Variants in PSMF1 observed in about 807,000 individuals in gnomAD.
PSMF1 encodes the protein proteasome inhibitor PI31 subunit.
Under a neutral mutation model 29.3 loss-of-function variants are expected in PSMF1, and 30 were observed. The ratio of observed to expected loss-of-function variants is 1.02; its 90% CI spans 0.77 to 1.39. The LOEUF (loss-of-function observed/expected upper bound fraction) is 1.39, where lower values mean the gene tolerates loss of function less well. Among genes scored for constraint, PSMF1 ranks in the 40% most tolerant of loss-of-function variants. PSMF1 has a pLI of 0.00. For synonymous variants in PSMF1, 134 were observed against 139.7 expected (o/e 0.96, Z 0.29); for missense variants, 344 against 357.5 (o/e 0.96, Z 0.31).
At chr20:1,140,566 A>G (rs1696964156) in intron 4 of PSMF1, among the ~76,000 whole-genome samples, 1 of 152,170 alleles carries the variant, frequency 6.6e-6, no homozygotes, top group Non-Finnish European at 1.5e-5. Flanking sequence ...AATACCTGGG[A>G]GGTTAAAAGC....
intron 1 of PSMF1, among the ~76,000 whole-genome samples, chr20:1,120,481 TAG>T (rs201581247): frequency 1.2e-3 from 178 of 152,304 alleles, no homozygotes; most frequent in African/African-American, 3.9e-3. Context: ...TGGGACCAGG[TAG>T]AGACAGCACC....
At chr20:1,157,609 CAT>C (rs748283845) in intron 4 of PSMF1, among the ~76,000 whole-genome samples, 9 of 152,138 alleles carry the variant, frequency 5.9e-5, no homozygotes, top group African/African-American at 1.4e-4. Flanking sequence ...CATGCACAAA[CAT>C]GTTTTTAACA....
chr20:1,158,883 A>G (rs577616512), intron 4 of PSMF1, among the ~76,000 whole-genome samples: 5 of 151,292 alleles, frequency 3.3e-5, no homozygotes, highest in South Asian at 2.1e-4. Context: ...CCTCTGTACT[A>G]TTTACTCTGA....
Position 1,135,120 on chromosome 20 carries a change from G to A in PSMF1, c.366-1G>A. 2 of 1,614,190 alleles carry A rather than the reference G, an allele frequency of 1.2e-6. No homozygotes were observed. Among genetic ancestry groups the A allele is most frequent in the South Asian group, 1.1e-5 (1 of 91,088 alleles). Reference sequence around the variant, plus strand: ...GTTGACTCTTCATCTGCTTCCTGCAGGACCTACAAGAACAGTGAGGAGCTT... The same window carrying A: ...GTTGACTCTTCATCTGCTTCCTGCAAGACCTACAAGAACAGTGAGGAGCTT... On this transcript the variant is annotated splice_acceptor_variant, in intron 3 of 6. Coordinates refer to ENST00000335877, the MANE Select transcript of PSMF1 (RefSeq NM_006814.5). LOFTEE classifies it high-confidence loss of function.
chr20:1,124,648 TCAA>T (rs1416314222), intron 1 of PSMF1, among the ~76,000 whole-genome samples: 3 of 152,240 alleles, frequency 2.0e-5, no homozygotes, highest in African/African-American at 7.2e-5. Flanking sequence ...CAAATCACCA[TCAA>T]CAAGTAGATG....
upstream of PSMF1, among the ~76,000 whole-genome samples, chr20:1,114,275 G>C (rs1285258929): frequency 6.6e-6 from 1 of 152,088 alleles, no homozygotes; most frequent in Non-Finnish European, 1.5e-5. Flanking sequence ...AGAGGTAACT[G>C]GCTTCATCAC....
intron 4 of PSMF1, chr20:1,161,045 G>T: frequency 2.4e-6 from 1 of 415,734 alleles, no homozygotes; most frequent in Admixed American, 3.2e-5. Context: ...GGATTCTGGA[G>T]ACGGAGTCAC....
At chr20:1,131,165 T>G (rs1013167059) in intron 3 of PSMF1, among the ~76,000 whole-genome samples, 1 of 152,258 alleles carries the variant, frequency 6.6e-6, no homozygotes, top group African/African-American at 2.4e-5. Context: ...GTCTCTTGAC[T>G]TCTTCACTCT....
chr20:1,126,888 C>T (rs1209417831), intron 2 of PSMF1, among the ~76,000 whole-genome samples: 1 of 152,046 alleles, frequency 6.6e-6, no homozygotes, highest in African/African-American at 2.4e-5. Flanking sequence ...CAAAACAAAA[C>T]AAAACAAAAA....
chr20:1,163,055 T>C lies in PSMF1; in HGVS notation c.552-75T>C. The C allele has an allele frequency of 6.6e-7, 1 of 1,517,944 alleles. No individual in the cohort carries two copies. Among genetic ancestry groups the C allele is most frequent in the East Asian group, 2.3e-5 (1 of 44,102 alleles). 94.0% of individuals were successfully genotyped at this position (1,517,944 alleles called of 1,614,324 possible). On this transcript the variant is annotated intron_variant, in intron 4 of 6. Coordinates refer to ENST00000335877, the MANE Select transcript of PSMF1 (RefSeq NM_006814.5). The surrounding 1 kb of genome is among the most constrained non-coding windows in gnomAD (Gnocchi z 6.1). The stretch of plus-strand genomic sequence containing the variant: ...TGCAAGGGTTTCCCATGCCTGTGAG[T>C]GTGTTTGTGATCCCACATGTATCAG...
rs766310325 is a variant in PSMF1 at position 1,160,795 on chromosome 20, TC to T, written c.552-2334del. ...GGCATCCTGACGATGAAGTACCCCA[TC>T]GAGCACAGGATTTTCACCAGCTGGG... On this transcript the variant is annotated intron_variant, in intron 4 of 6. Coordinates refer to ENST00000335877, the MANE Select transcript of PSMF1 (RefSeq NM_006814.5). The T allele has an allele frequency of 4.6e-5, 20 of 432,164 alleles. No individual in the cohort carries two copies. The East Asian group carries it at 1.0e-3, about 22-fold the overall frequency. The allele number at this position is 432,164 out of a possible 1,614,324, so 26.8% of individuals were successfully genotyped here.
At chr20:1,139,612 G>A (rs1218176092) in intron 4 of PSMF1, among the ~76,000 whole-genome samples, 1 of 152,054 alleles carries the variant, frequency 6.6e-6, no homozygotes, top group Non-Finnish European at 1.5e-5. Context: ...GGGTGTGGTG[G>A]CAGGTGCTTG....
rs1398121301 is a variant in PSMF1, at chr20:1,165,283, A to G, written c.*203A>G. On this transcript the variant is annotated 3_prime_UTR_variant, in exon 7 of 7. Coordinates refer to ENST00000335877, the MANE Select transcript of PSMF1 (RefSeq NM_006814.5). ...TCCACCTAGCTGCAGATAGCTCCCA[A>G]AGAGAAATCAGTGTGTCTCTTTCAC... The G allele has an allele frequency of 1.6e-5, 22 of 1,415,506 alleles. No homozygotes were observed. Among genetic ancestry groups the G allele is most frequent in the Non-Finnish European group, 1.9e-5 (21 of 1,088,192 alleles). The allele number at this position is 1,415,506 out of a possible 1,614,324, so 87.7% of individuals were successfully genotyped here.
rs748992934 is a variant in PSMF1, at chr20:1,149,769, C to T, written c.552-13361C>T. Among the ~76,000 whole-genome samples the T allele has an allele frequency of 6.0e-4, 92 of 152,328 alleles. No homozygotes were observed. In the Middle Eastern group the frequency reaches 0.017, roughly 28 times the overall value. ...CTTTATGCAAGGCCAGGTGTGGTGG[C>T]CCACACCTGTAATCCCAGCACTTCA... On this transcript the variant is annotated intron_variant, in intron 4 of 6. Coordinates refer to ENST00000335877, the MANE Select transcript of PSMF1 (RefSeq NM_006814.5).
In PSMF1 at chr20:1,167,250, G is replaced by C. The variant is rs1178273069; in HGVS notation, c.*2170G>C. On this transcript the variant is annotated 3_prime_UTR_variant, in exon 7 of 7. Transcript: ENST00000335877. ...TGAGTAATCATCAAGGAGCAAGTTG[G>C]AGTGTTTCAGGTGTATATTTTGTAG... 6.6e-6 allele frequency: 1 copy of C among 152,148 alleles called. No homozygotes were observed. The highest frequency in any genetic ancestry group is 1.5e-5 in the Non-Finnish European group (1 of 68,036). 9.4% of individuals were successfully genotyped at this position (152,148 alleles called of 1,614,324 possible). A position where few individuals can be genotyped will look rare whatever the true frequency, so the allele number is the denominator to read the frequency against.
rs1342685328 is a variant in PSMF1, at chr20:1,167,694, A to G, written c.*2614A>G. ...GCTGTAGCATGTATCCATGGTATGG[A>G]TATATCACATTTTGCTTATCCTTTT... is the stretch of plus-strand genomic sequence containing the variant. On this transcript the variant is annotated 3_prime_UTR_variant, in exon 7 of 7. Transcript: ENST00000335877. 6.6e-6 allele frequency: 1 copy of G among 151,874 alleles called. No individual in the cohort carries two copies. The highest frequency in any genetic ancestry group is 6.6e-5 in the Admixed American group (1 of 15,236). The allele number at this position is 151,874 out of a possible 1,614,324, so 9.4% of individuals were successfully genotyped here. A position where few individuals can be genotyped will look rare whatever the true frequency, so the allele number is the denominator to read the frequency against.
intron 4 of PSMF1, among the ~76,000 whole-genome samples, chr20:1,148,445 AGTT>A (rs1311405162): frequency 6.6e-6 from 1 of 152,224 alleles, no homozygotes; most frequent in Non-Finnish European, 1.5e-5. Flanking sequence ...TGTAAAAAAC[AGTT>A]TTTTCTATGC....
rs753958387 is a variant in PSMF1, at chr20:1,166,260, C to A, written c.*1180C>A. 1 of 1,612,246 alleles carries A rather than the reference C, an allele frequency of 6.2e-7. No homozygotes were observed. The highest frequency in any genetic ancestry group is 1.1e-5 in the South Asian group (1 of 90,872). ...CTGACAGACGCGGGCAGTGATGAGCCCTGTTCTGGAGTGGAAAGAGCACGA... is the reference window on the plus strand; with the variant it reads ...CTGACAGACGCGGGCAGTGATGAGCACTGTTCTGGAGTGGAAAGAGCACGA... On this transcript the variant is annotated 3_prime_UTR_variant, in exon 7 of 7. Transcript: ENST00000335877.
chr20:1,138,843 A>AC (rs1053441388), intron 4 of PSMF1, among the ~76,000 whole-genome samples: 1 of 150,478 alleles, frequency 6.6e-6, no homozygotes, highest in African/African-American at 2.5e-5. Context: ...ACAAAAAAAA[A>AC]CAAAACCAAA....
Sources: gnomAD v4.1 joint callset for allele counts (sites outside exome capture counted in the v4.1 genomes callset) on GRCh38, gnomAD v4.1.1 for gene constraint, Gnocchi (gnomAD v3.1) non-coding constraint, MANE v1.5 for transcripts, NCBI Gene and HGNC (gene_info 2026-07-23, HGNC 2026-07-21) for gene names.